Variants in MAST4 observed in about 807,000 individuals in gnomAD.
MAST4 encodes the protein microtubule-associated serine/threonine-protein kinase 4.
Under a neutral mutation model 162.7 loss-of-function variants are expected in MAST4, and 89 were observed. The observed-to-expected ratio is 0.55, with a 90% confidence interval of 0.46 to 0.65. MAST4 has a LOEUF of 0.65. MAST4 is among the 30% of genes least tolerant of loss of function. MAST4 has a pLI of 0.00. For synonymous variants in MAST4, 1,479 were observed against 1,361.1 expected, an observed-to-expected ratio of 1.09 and a Z score of -1.91; for missense variants, 3,153 against 3,374.0, an observed-to-expected ratio of 0.93 and a Z score of 1.62.
At chr5:66,927,092 T>G (rs561969791) in intron 4 of MAST4, among the ~76,000 whole-genome samples, 134 of 152,346 alleles carry the variant, frequency 8.8e-4, no homozygotes, top group Middle Eastern at 3.4e-3. Flanking sequence ...TCCTCTCGTT[T>G]TCTTTTATCA....
chr5:66,620,725 T>C (rs188354798), intron 1 of MAST4, among the ~76,000 whole-genome samples: 54 of 152,294 alleles, frequency 3.5e-4, no homozygotes, highest in African/African-American at 1.3e-3. Context: ...TGCCTCTGTG[T>C]CTATCTCTCT....
At chr5:67,156,829 G>T (rs560835153) in intron 26 of MAST4, among the ~76,000 whole-genome samples, 2 of 152,274 alleles carry the variant, frequency 1.3e-5, no homozygotes, top group East Asian at 1.9e-4. Context: ...GCAGTCGTTC[G>T]GTGAGTTACC....
chr5:67,069,312 A>ATATATATATAT (rs1561606003), intron 5 of MAST4, among the ~76,000 whole-genome samples: 36 of 133,980 alleles, frequency 2.7e-4, no homozygotes, highest in Non-Finnish European at 3.4e-4. Flanking sequence ...ATATATATAT[A>ATATATATATAT]AAATTTTAAA....
chr5:66,828,712 C>T (rs774362765), intron 3 of MAST4: 50 of 1,383,370 alleles, frequency 3.6e-5, no homozygotes, highest in Non-Finnish European at 4.8e-5. Context: ...GACCAGCTGA[C>T]TCCGGGCTCC....
At chr5:66,800,169 C>T (rs1232701520) in intron 3 of MAST4, among the ~76,000 whole-genome samples, 1 of 152,106 alleles carries the variant, frequency 6.6e-6, no homozygotes, top group African/African-American at 2.4e-5. Flanking sequence ...ATGTTTTCTG[C>T]AGGATAACTT....
At chr5:66,635,970 T>G (rs1745088620) in intron 1 of MAST4, among the ~76,000 whole-genome samples, 1 of 136,338 alleles carries the variant, frequency 7.3e-6, no homozygotes, top group African/African-American at 3.0e-5. Flanking sequence ...TTTTTTTTTT[T>G]TTTTTCGAGA....
chr5:66,803,084 G>A (rs146432351), intron 3 of MAST4, among the ~76,000 whole-genome samples: 6 of 152,238 alleles, frequency 3.9e-5, no homozygotes, highest in African/African-American at 9.6e-5. Flanking sequence ...CCTTAACCTC[G>A]TGAGGCCTGG....
chr5:67,164,289 C>T lies in MAST4; in HGVS notation c.5110C>T (p.Pro1704Ser). 4 of 1,614,026 alleles carry T rather than the reference C, an allele frequency of 2.5e-6. No individual in the cohort carries two copies. Among genetic ancestry groups the T allele is most frequent in the Non-Finnish European group, 2.5e-6 (3 of 1,179,882 alleles). ...TGAGGACAAAGAGGACAACCTCTGC[C>T]CTGTGCTGAAGCCCAAGATGACAGC... Reference protein sequence around the residue: ...SLEDKEDNLCPVLKPKMTAGS... With the variant: ...SLEDKEDNLCSVLKPKMTAGS... Residue 1704 changes from proline to serine, a missense_variant, in exon 29 of 29, where the codon CCT becomes TCT. Around this residue, in one of 7 missense-constraint regions of MAST4, gnomAD observed 1,644 missense variants for 1,495.0 expected, o/e 1.10. Coordinates refer to ENST00000403625, the MANE Select transcript of MAST4 (RefSeq NM_001164664.2). The surrounding 1 kb of genome is among the most constrained non-coding windows in gnomAD (Gnocchi z 5.3).
chr5:66,887,153 C>A (rs1032409018), intron 3 of MAST4, among the ~76,000 whole-genome samples: 1 of 152,202 alleles, frequency 6.6e-6, no homozygotes, highest in Non-Finnish European at 1.5e-5. Flanking sequence ...CTTGGACTCT[C>A]TTTGGTTAAC....
rs182986361 is a variant in MAST4, at chr5:66,969,697, G to A, written c.674+69715G>A. ...GCCATGGTGAGGGGCAGACATCATA[G>A]GCATTTACCAAACACATGGCAGTAT... is the stretch of plus-strand genomic sequence containing the variant. On this transcript the variant is annotated intron_variant, in intron 4 of 28. Coordinates refer to ENST00000403625, the MANE Select transcript of MAST4 (RefSeq NM_001164664.2). Among the ~76,000 whole-genome samples, 3 of 152,272 alleles carry A rather than the reference G, an allele frequency of 2.0e-5. No individual in the cohort carries two copies. In the East Asian group the frequency reaches 5.8e-4, roughly 29 times the overall value.
chr5:66,833,299 C>T (rs1230285784), intron 3 of MAST4, among the ~76,000 whole-genome samples: 1 of 152,154 alleles, frequency 6.6e-6, no homozygotes, highest in Non-Finnish European at 1.5e-5. Context: ...GTCACCAAAC[C>T]CTGTCAATTC....
intron 3 of MAST4, among the ~76,000 whole-genome samples, chr5:66,861,954 T>C (rs1232846417): frequency 6.6e-6 from 1 of 152,166 alleles, no homozygotes; most frequent in East Asian, 1.9e-4. Context: ...TAGGAACCTG[T>C]GTGGTAAGAA....
chr5:66,614,747 A>T (rs576228216), intron 1 of MAST4, among the ~76,000 whole-genome samples: 1 of 152,262 alleles, frequency 6.6e-6, no homozygotes, highest in Admixed American at 6.5e-5. Flanking sequence ...TCCCAACGTG[A>T]TGGGGCTGCC....
intron 4 of MAST4, among the ~76,000 whole-genome samples, chr5:67,045,094 T>C (rs902429221): frequency 2.0e-5 from 3 of 152,234 alleles, no homozygotes; most frequent in African/African-American, 7.2e-5. Flanking sequence ...AGGTAAATTA[T>C]AAACTTCTTG....
intron 1 of MAST4, among the ~76,000 whole-genome samples, chr5:66,687,423 A>G (rs1435222274): frequency 1.3e-5 from 2 of 151,538 alleles, no homozygotes; most frequent in Non-Finnish European, 2.9e-5. Context: ...ATTCATTTTT[A>G]TGGCTGCATA....
chr5:66,993,931 C>CCCA (rs1554078107), intron 4 of MAST4, among the ~76,000 whole-genome samples: 1 of 108,774 alleles, frequency 9.2e-6, no homozygotes, highest in African/African-American at 3.5e-5. Flanking sequence ...CCCCCCCCCC[C>CCCA]ACCCCACCAA....
intron 12 of MAST4, among the ~76,000 whole-genome samples, chr5:67,117,286 A>G (rs1767032100): frequency 6.6e-6 from 1 of 152,204 alleles, no homozygotes; most frequent in African/African-American, 2.4e-5. Flanking sequence ...CGAAGAAAGG[A>G]CATAGTTTGT....
chr5:66,773,703 A>G (rs1754459026), intron 2 of MAST4, among the ~76,000 whole-genome samples: 1 of 152,206 alleles, frequency 6.6e-6, no homozygotes, highest in Non-Finnish European at 1.5e-5. Flanking sequence ...TGAGCTTGCC[A>G]TTCATTCTCC....
intron 10 of MAST4, among the ~76,000 whole-genome samples, chr5:67,106,189 G>A (rs1765574683): frequency 6.6e-6 from 1 of 151,656 alleles, no homozygotes; most frequent in Non-Finnish European, 1.5e-5. Flanking sequence ...TCTCTCCTAG[G>A]GATCTTGTCA....
Sources: gnomAD v4.1 joint callset for allele counts (sites outside exome capture counted in the v4.1 genomes callset) on GRCh38, gnomAD v4.1.1 for gene constraint, gnomAD v4.1.1 regional missense constraint, Gnocchi (gnomAD v3.1) non-coding constraint, MANE v1.5 for transcripts, NCBI Gene and HGNC (gene_info 2026-07-23, HGNC 2026-07-21) for gene names.